Variants in NAV2 observed in about 807,000 individuals in gnomAD.
NAV2 encodes neuron navigator 2.
A neutral mutation model predicts 223.2 loss-of-function variants in NAV2; 54 were observed. The observed-to-expected ratio is 0.24, with a 90% CI of 0.19 to 0.30. NAV2 has a LOEUF of 0.30. NAV2 is among the 10% of genes least tolerant of loss of function. NAV2 has a pLI of 1.00. For synonymous variants in NAV2, 1,279 were observed against 1,239.3 expected (o/e 1.03, Z -0.67); for missense variants, 2,806 against 3,147.5 (o/e 0.89, Z 2.60).
In NAV2 at chr11:19,428,187, TTGC is replaced by T. The variant is rs1416174653; in HGVS notation, c.75+77163_75+77165del. Among the ~76,000 whole-genome samples, 207 of 152,310 alleles carry T rather than the reference TTGC, an allele frequency of 1.4e-3. 1 individual carries two copies. The highest frequency in any genetic ancestry group is 4.6e-3 in the African/African-American group (190 of 41,566). ...AACCCAGAAGTCAGGGTTTTTTTTGTTGCTGTTGTTAAATATCCCAATTTTTAA... is the reference window on the plus strand; with the variant it reads ...AACCCAGAAGTCAGGGTTTTTTTTGTTGTTGTTAAATATCCCAATTTTTAA... On this transcript the variant is annotated intron_variant, in intron 1 of 37. Transcript: ENST00000360655.
chr11:19,958,362 C>T (rs905394348), intron 10 of NAV2, among the ~76,000 whole-genome samples: 5 of 152,192 alleles, frequency 3.3e-5, no homozygotes, highest in East Asian at 1.9e-4. Flanking sequence ...AAGATCCTAA[C>T]GCTGTGAAGG....
chr11:19,761,980 C>T (rs58033012), intron 1 of NAV2, among the ~76,000 whole-genome samples: 6,241 of 152,288 alleles, frequency 0.041, 404 homozygotes, highest in African/African-American at 0.14. Flanking sequence ...CAGTGGCTCA[C>T]GCCTGTAATC....
chr11:19,985,360 C>T (rs903427729), intron 11 of NAV2, among the ~76,000 whole-genome samples: 13 of 152,090 alleles, frequency 8.5e-5, no homozygotes, highest in African/African-American at 3.1e-4. Flanking sequence ...GGATCTGGCC[C>T]AGTCTCTACC....
intron 12 of NAV2, among the ~76,000 whole-genome samples, chr11:20,036,388 A>C (rs896206731): frequency 5.9e-5 from 9 of 152,216 alleles, no homozygotes; most frequent in Non-Finnish European, 1.2e-4. Context: ...TTTGTTTAAA[A>C]ACAAACAACA....
At chr11:19,877,574 G>A (rs925586144) in intron 4 of NAV2, among the ~76,000 whole-genome samples, 3 of 148,022 alleles carry the variant, frequency 2.0e-5, no homozygotes, top group African/African-American at 5.0e-5. Flanking sequence ...CCGGGTTCAT[G>A]CCATTCTCCT....
chr11:20,083,334 T>C (rs1403556020), intron 26 of NAV2, among the ~76,000 whole-genome samples, 155 bp downstream of exon 26: 2 of 152,238 alleles, frequency 1.3e-5, no homozygotes, highest in Non-Finnish European at 2.9e-5. Context: ...GCTTTAGGAC[T>C]GGGAAAGTTG....
intron 1 of NAV2, among the ~76,000 whole-genome samples, chr11:19,453,345 A>G (rs1308734027): frequency 6.6e-6 from 1 of 152,228 alleles, no homozygotes; most frequent in Non-Finnish European, 1.5e-5. Flanking sequence ...AAAGCCTTTC[A>G]GGATTGGAGG....
intron 1 of NAV2, among the ~76,000 whole-genome samples, chr11:19,382,834 C>T (rs1192749867): frequency 1.3e-5 from 2 of 152,180 alleles, no homozygotes; most frequent in Non-Finnish European, 2.9e-5. Context: ...ATAGCTAGTA[C>T]ATGACAGAGG....
intron 1 of NAV2, among the ~76,000 whole-genome samples, chr11:19,707,632 G>A (rs1017493064): frequency 2.6e-5 from 4 of 152,276 alleles, no homozygotes; most frequent in Non-Finnish European, 2.9e-5. Flanking sequence ...TTTTTAAGTA[G>A]AAAGAGTACA....
intron 1 of NAV2, among the ~76,000 whole-genome samples, chr11:19,365,463 C>T (rs754095383): frequency 5.3e-5 from 8 of 152,212 alleles, no homozygotes; most frequent in Non-Finnish European, 1.0e-4. Context: ...TGTTCCTCAG[C>T]TTCCTTCTTT....
chr11:20,075,891 TC>T (rs1359716448), intron 22 of NAV2, among the ~76,000 whole-genome samples: 1 of 151,682 alleles, frequency 6.6e-6, no homozygotes, highest in Non-Finnish European at 1.5e-5. Flanking sequence ...CTCCCATATA[TC>T]CTCTGCCCTT....
chr11:19,773,406 C>G (rs1565290482), intron 1 of NAV2, among the ~76,000 whole-genome samples: 1 of 152,120 alleles, frequency 6.6e-6, no homozygotes, highest in African/African-American at 2.4e-5. Context: ...CATGAGAGTT[C>G]AAGAATGGTC....
At chr11:20,100,810 G>A (rs2061589273) in intron 31 of NAV2, 127 bp from the exon 32 acceptor site, 2 of 713,262 alleles carry the variant, frequency 2.8e-6, no homozygotes, top group African/African-American at 3.6e-5. Flanking sequence ...TGGGTGTGCA[G>A]GAGTCTCAGG....
intron 6 of NAV2, among the ~76,000 whole-genome samples, chr11:19,914,224 A>G (rs1197923777): frequency 1.3e-5 from 2 of 152,170 alleles, no homozygotes. Flanking sequence ...CATGTGGAAG[A>G]CCCAGTGTCC....
chr11:19,738,216 C>G (rs1409855406), intron 1 of NAV2, among the ~76,000 whole-genome samples: 1 of 152,352 alleles, frequency 6.6e-6, no homozygotes, highest in African/African-American at 2.4e-5. Flanking sequence ...CCTCAGGGGG[C>G]CAGTGACATG....
intron 10 of NAV2, among the ~76,000 whole-genome samples, chr11:19,950,798 C>G (rs973809458): frequency 1.3e-5 from 2 of 152,166 alleles, no homozygotes; most frequent in African/African-American, 4.8e-5. Context: ...TACACAGAAG[C>G]CTTCAGAATG....
intron 1 of NAV2, among the ~76,000 whole-genome samples, chr11:19,626,384 T>C (rs2047172097): frequency 6.6e-6 from 1 of 152,234 alleles, no homozygotes; most frequent in Non-Finnish European, 1.5e-5. Context: ...TCCACTGACC[T>C]ATATGTCTGT....
chr11:20,109,618 C>G (rs2062456267), intron 36 of NAV2, among the ~76,000 whole-genome samples: 1 of 152,190 alleles, frequency 6.6e-6, no homozygotes, highest in Middle Eastern at 3.2e-3. Flanking sequence ...TTGATGGCTT[C>G]CAGGGAGTGT....
In NAV2 at chr11:19,356,416, G is replaced by A. The variant is rs560349186; in HGVS notation, c.75+5389G>A. On this transcript the variant is annotated intron_variant, in intron 1 of 37. Coordinates refer to the NAV2 transcript ENST00000360655. ...AGTACCTACTGTGTGCCAGCCAGCC[G>A]CAGCATGAGGCACTGGGATCATGAT... Among the ~76,000 whole-genome samples, 21 of 152,246 alleles carry A rather than the reference G, an allele frequency of 1.4e-4. No homozygotes were observed. The South Asian group carries it at 1.5e-3, about 11-fold the overall frequency.
Sources: gnomAD v4.1 joint callset for allele counts (sites outside exome capture counted in the v4.1 genomes callset) on GRCh38, gnomAD v4.1.1 for gene constraint, MANE v1.5 for transcripts, NCBI Gene and HGNC (gene_info 2026-07-23, HGNC 2026-07-21) for gene names.